The following ANKRD22 variants were observed in gnomAD, a reference collection of about 807,000 sequenced individuals.
ANKRD22 encodes the protein ankyrin repeat domain-containing protein 22.
In ANKRD22, 24 loss-of-function variants were observed where a neutral mutation model predicts 25.7. That is an observed-to-expected ratio of 0.93 (90% CI 0.68 to 1.31). The LOEUF is 1.31. Ranked by LOEUF, ANKRD22 falls within the 50% of genes most tolerant of loss-of-function variation. ANKRD22 has a pLI of 0.00. For synonymous variants in ANKRD22, 84 were observed against 84.3 expected (o/e 1.00, Z 0.02); for missense variants, 214 against 227.1 (o/e 0.94, Z 0.37).
chr10:88,826,179 G>T, intron 3 of ANKRD22, 64 bp from the exon 4 acceptor site: 1 of 1,364,646 alleles, frequency 7.3e-7, no homozygotes, highest in Non-Finnish European at 1.0e-6. Context: ...TTATGCCTGA[G>T]ACTATTTAAT....
intron 1 of ANKRD22, among the ~76,000 whole-genome samples, chr10:88,841,775 A>G (rs936374549): frequency 2.6e-5 from 4 of 152,168 alleles, no homozygotes; most frequent in Admixed American, 1.3e-4. Flanking sequence ...CCTAACTTAC[A>G]TAGAGACTTT....
chr10:88,834,945 A>T (rs1843940095), intron 1 of ANKRD22, among the ~76,000 whole-genome samples: 1 of 151,490 alleles, frequency 6.6e-6, no homozygotes, highest in Non-Finnish European at 1.5e-5. Context: ...AGAAAAAAAA[A>T]GAAAGAAAAA....
intron 3 of ANKRD22, 39 bp downstream of exon 3, chr10:88,828,520 C>T (rs1408764137): frequency 7.0e-6 from 10 of 1,429,676 alleles, no homozygotes; most frequent in Non-Finnish European, 9.8e-6. Context: ...CACCATCGAT[C>T]TCCACATTTG....
At position 88,820,229 on chromosome 10, in the gene ANKRD22, T is replaced by C; in HGVS notation, c.*2712A>G. On this transcript the variant is annotated 3_prime_UTR_variant, in exon 6 of 6. Transcript: ENST00000371930. ...AGAGTTAAGAACTATTCCTTTTCTC[T>C]AGCCAACTCCTGTAAGGTACAGAGT... The C allele has an allele frequency of 1.2e-5, 19 of 1,547,072 alleles. No individual in the cohort carries two copies. Among genetic ancestry groups the C allele is most frequent in the Non-Finnish European group, 1.7e-5 (19 of 1,145,298 alleles).
intron 1 of ANKRD22, 137 bp downstream of exon 1, chr10:88,851,449 AT>A (rs1844103852): frequency 1.2e-6 from 1 of 846,604 alleles, no homozygotes; most frequent in African/African-American, 1.7e-5. Context: ...ATAGGACTTT[AT>A]TTTTTCTGAC....
chr10:88,826,387 TGAG>T (rs1390048176), intron 3 of ANKRD22, among the ~76,000 whole-genome samples: 1 of 152,182 alleles, frequency 6.6e-6, no homozygotes, highest in Admixed American at 6.5e-5. Context: ...CTAATTCCAC[TGAG>T]GATGGGGCCT....
chr10:88,828,984 G>T (rs11202866), intron 2 of ANKRD22, among the ~76,000 whole-genome samples: 2,491 of 152,206 alleles, frequency 0.016, 44 homozygotes, highest in Middle Eastern at 0.071. Flanking sequence ...TATAAACTTA[G>T]GACTGAATTT....
intron 1 of ANKRD22, among the ~76,000 whole-genome samples, chr10:88,835,091 A>G (rs986141097): frequency 8.6e-5 from 13 of 152,018 alleles, no homozygotes; most frequent in East Asian, 5.8e-4. Context: ...TCACTCATCT[A>G]TGTTACCTGC....
chr10:88,828,125 T>C (rs1006340257), intron 3 of ANKRD22, among the ~76,000 whole-genome samples: 1 of 152,240 alleles, frequency 6.6e-6, no homozygotes, highest in Non-Finnish European at 1.5e-5. Flanking sequence ...TGTCAGCTTC[T>C]GGATGCAAAC....
At chr10:88,823,745 T>G (rs971790472) in intron 4 of ANKRD22, among the ~76,000 whole-genome samples, 77 of 139,952 alleles carry the variant, frequency 5.5e-4, no homozygotes, top group African/African-American at 1.9e-3. Flanking sequence ...GGAGAATGGC[T>G]CGAACCCGGG....
In ANKRD22 at chr10:88,841,913, AG is replaced by A. The variant is rs1470870888; in HGVS notation, c.21+9673del. ...TCCCTCCAAAAAGCCTGCAAACCAC[AG>A]CTGTCCAATTCCTGAATCGGTATTT... On this transcript the variant is annotated intron_variant, in intron 1 of 5. Transcript: ENST00000371930. 2.6e-5 allele frequency among the ~76,000 whole-genome samples: 4 copies of A among 152,224 alleles called. No individual in the cohort carries two copies. In the South Asian group the frequency reaches 8.3e-4, roughly 32 times the overall value.
intron 2 of ANKRD22, among the ~76,000 whole-genome samples, chr10:88,829,037 T>A (rs1300984414): frequency 6.6e-6 from 1 of 152,248 alleles, no homozygotes; most frequent in East Asian, 1.9e-4. Flanking sequence ...CTACCATGTG[T>A]ACGATTATCC....
Position 88,851,703 on chromosome 10 carries a change from A to G in ANKRD22, c.-96T>C. The G allele has an allele frequency of 7.0e-7, 1 of 1,429,894 alleles. No individual in the cohort carries two copies. Among genetic ancestry groups the G allele is most frequent in the Non-Finnish European group, 9.8e-7 (1 of 1,017,844 alleles). 88.6% of individuals were successfully genotyped at this position (1,429,894 alleles called of 1,614,324 possible). ...CAAAATCCTTCCTGGCTGAGAGGAA[A>G]GTCCCTAGAAGTCCAAGCTGGTGGC... On this transcript the variant is annotated 5_prime_UTR_variant, in exon 1 of 6. Transcript: ENST00000371930.
chr10:88,832,610 G>A (rs1843917777), intron 1 of ANKRD22, among the ~76,000 whole-genome samples: 1 of 151,956 alleles, frequency 6.6e-6, no homozygotes, highest in South Asian at 2.1e-4. Flanking sequence ...GGCAGTACTA[G>A]TGATGAAATA....
At chr10:88,827,293 A>C (rs946684452) in intron 3 of ANKRD22, among the ~76,000 whole-genome samples, 10 of 152,192 alleles carry the variant, frequency 6.6e-5, no homozygotes, top group Non-Finnish European at 1.3e-4. Context: ...TTCATCACAA[A>C]TTTACAACTT....
At chr10:88,825,156 C>A (rs1253293638) in intron 4 of ANKRD22, among the ~76,000 whole-genome samples, 1 of 152,100 alleles carries the variant, frequency 6.6e-6, no homozygotes, top group Non-Finnish European at 1.5e-5. Context: ...GTAATACACA[C>A]AGATGTGCAC....
At chr10:88,841,385 AAAAG>A (rs1262111655) in intron 1 of ANKRD22, among the ~76,000 whole-genome samples, 2 of 152,142 alleles carry the variant, frequency 1.3e-5, no homozygotes, top group African/African-American at 2.4e-5. Flanking sequence ...AAGAGAAAAA[AAAAG>A]AAAGAAAGAA....
chr10:88,823,200 A>G, intron 5 of ANKRD22, 80 bp downstream of exon 5: 1 of 1,371,442 alleles, frequency 7.3e-7, no homozygotes, highest in Non-Finnish European at 1.0e-6. Flanking sequence ...TCAGAGGCAA[A>G]TAATTTACTT....
chr10:88,851,467 C>T (rs1844103955), intron 1 of ANKRD22, 120 bp downstream of exon 1: 2 of 1,045,726 alleles, frequency 1.9e-6, no homozygotes, highest in Non-Finnish European at 2.9e-6. Flanking sequence ...TGACTTAATG[C>T]TCCCCCAGGG....
Sources: gnomAD v4.1 joint callset for allele counts (sites outside exome capture counted in the v4.1 genomes callset) on GRCh38, gnomAD v4.1.1 for gene constraint, MANE v1.5 for transcripts, NCBI Gene and HGNC (gene_info 2026-07-23, HGNC 2026-07-21) for gene names.